TTBK2: variants seen among roughly 807,000 people sequenced by gnomAD.
TTBK2 encodes the protein tau-tubulin kinase 2.
A neutral mutation model predicts 110.8 loss-of-function variants in TTBK2; 28 were observed. The ratio of observed to expected loss-of-function variants is 0.25; its 90% CI spans 0.19 to 0.35. The LOEUF (loss-of-function observed/expected upper bound fraction) is 0.35. Among genes scored for constraint, TTBK2 ranks in the 10% least tolerant of loss-of-function variants. TTBK2 has a pLI of 1.00. For missense variants in TTBK2, 1,369 were observed against 1,500.3 expected (o/e 0.91, Z 1.45); for synonymous variants, 532 against 527.3 (o/e 1.01, Z -0.12).
chr15:42,748,041 T>TA (rs979243401), intron 14 of TTBK2, among the ~76,000 whole-genome samples: 3 of 152,156 alleles, frequency 2.0e-5, no homozygotes, highest in Admixed American at 1.3e-4. Context: ...ACACAATTAA[T>TA]AAAAAATGTT....
chr15:42,756,801 G>A (rs2061953255), intron 13 of TTBK2, among the ~76,000 whole-genome samples: 1 of 151,944 alleles, frequency 6.6e-6, no homozygotes. Context: ...AAGAGGCTGA[G>A]GCAGAAGATT....
At chr15:42,753,280 T>C in intron 13 of TTBK2, 33 bp from the exon 14 acceptor site, 17 of 1,586,990 alleles carry the variant, frequency 1.1e-5, no homozygotes, top group Non-Finnish European at 1.5e-5. Context: ...TAAAATGCAA[T>C]TATGTAAAAT....
intron 3 of TTBK2, among the ~76,000 whole-genome samples, chr15:42,856,871 G>A (rs1893965595): frequency 6.6e-6 from 1 of 152,120 alleles, no homozygotes; most frequent in Non-Finnish European, 1.5e-5. Flanking sequence ...GACCAGCCTG[G>A]CCAACATGGC....
chr15:42,917,366 A>T (rs1173683361), intron 1 of TTBK2, among the ~76,000 whole-genome samples: 2 of 152,150 alleles, frequency 1.3e-5, no homozygotes, highest in African/African-American at 4.8e-5. Flanking sequence ...AAAATAACCA[A>T]CTGAAAAGAA....
chr15:42,833,853 C>A (rs1289928757), intron 4 of TTBK2, among the ~76,000 whole-genome samples: 2 of 151,956 alleles, frequency 1.3e-5, no homozygotes, highest in South Asian at 4.2e-4. Context: ...ACTAAAAATA[C>A]AAAAATTAGC....
At chr15:42,783,864 C>A (rs943270497) in intron 10 of TTBK2, among the ~76,000 whole-genome samples, 3 of 151,780 alleles carry the variant, frequency 2.0e-5, no homozygotes, top group Non-Finnish European at 2.9e-5. Flanking sequence ...GAGTTCAAGA[C>A]CAGCCTGGCC....
intron 14 of TTBK2, 129 bp downstream of exon 14, chr15:42,751,845 C>T (rs2061869700): frequency 1.7e-6 from 2 of 1,166,340 alleles, no homozygotes; most frequent in African/African-American, 1.5e-5. Flanking sequence ...GGCTGTAAGG[C>T]CTGGGAAAGG....
chr15:42,801,641 C>T, intron 9 of TTBK2: 1 of 845,222 alleles, frequency 1.2e-6, no homozygotes, highest in Non-Finnish European at 2.1e-6. Flanking sequence ...AGGGATGATG[C>T]TGTCCATGTC....
intron 13 of TTBK2, among the ~76,000 whole-genome samples, chr15:42,754,689 A>G (rs2061919609): frequency 7.5e-6 from 1 of 133,996 alleles, no homozygotes; most frequent in African/African-American, 2.7e-5. Flanking sequence ...GAGCCACCGC[A>G]CCCAGCCCAC....
chr15:42,894,398 AAAG>A (rs1233319344), intron 1 of TTBK2, among the ~76,000 whole-genome samples: 1 of 152,180 alleles, frequency 6.6e-6, no homozygotes, highest in East Asian at 1.9e-4. Context: ...TCTCTCCAAA[AAAG>A]AAGAGGAAAA....
At chr15:42,829,882 T>A in intron 5 of TTBK2, 56 bp downstream of exon 5, 1 of 1,599,174 alleles carries the variant, frequency 6.3e-7, no homozygotes, top group Non-Finnish European at 8.6e-7. Context: ...TTGTGTCCCA[T>A]CATAACATTA....
intron 10 of TTBK2, among the ~76,000 whole-genome samples, 153 bp downstream of exon 10, chr15:42,794,491 G>A (rs1338614664): frequency 6.6e-6 from 1 of 152,142 alleles, no homozygotes; most frequent in Non-Finnish European, 1.5e-5. Flanking sequence ...TAATTCCAAA[G>A]GCGTACATAA....
chr15:42,881,913 T>C (rs1293641589), intron 1 of TTBK2, among the ~76,000 whole-genome samples: 2 of 151,814 alleles, frequency 1.3e-5, no homozygotes, highest in East Asian at 1.9e-4. Context: ...ATACAGTAAA[T>C]GAAATTTTAA....
chr15:42,895,671 G>A (rs1425203899), intron 1 of TTBK2, among the ~76,000 whole-genome samples: 2 of 151,772 alleles, frequency 1.3e-5, no homozygotes, highest in South Asian at 2.1e-4. Flanking sequence ...CCAAGTAGCT[G>A]GGATTACAGG....
chr15:42,816,584 G>A (rs1463156868), intron 7 of TTBK2, among the ~76,000 whole-genome samples: 1 of 151,964 alleles, frequency 6.6e-6, no homozygotes, highest in South Asian at 2.1e-4. Context: ...GAATTAGGAC[G>A]AACATTCCAA....
intron 1 of TTBK2, among the ~76,000 whole-genome samples, chr15:42,902,986 C>CAA (rs34312217): frequency 6.0e-4 from 43 of 71,332 alleles, no homozygotes; most frequent in African/African-American, 5.3e-4. Context: ...CTCTGTTTCT[C>CAA]AAAAAAAAAA....
intron 13 of TTBK2, among the ~76,000 whole-genome samples, chr15:42,766,682 TG>T (rs1889396703): frequency 6.6e-6 from 1 of 152,002 alleles, no homozygotes; most frequent in Non-Finnish European, 1.5e-5. Flanking sequence ...ACAATAATAA[TG>T]GGAGACTTTA....
chr15:42,851,521 T>C (rs1893711573), intron 3 of TTBK2, among the ~76,000 whole-genome samples: 1 of 152,080 alleles, frequency 6.6e-6, no homozygotes, highest in Non-Finnish European at 1.5e-5. Flanking sequence ...AAATAAATCT[T>C]AGTGACTGAA....
intron 1 of TTBK2, among the ~76,000 whole-genome samples, chr15:42,901,602 G>A (rs1328365714): frequency 5.5e-5 from 8 of 146,298 alleles, no homozygotes; most frequent in Non-Finnish European, 1.0e-4. Flanking sequence ...GCAAAATAGC[G>A]AGACCTCGTC....
Sources: allele counts gnomAD v4.1 joint callset (sites outside exome capture counted in the v4.1 genomes callset), GRCh38; gene constraint gnomAD v4.1.1; transcripts MANE v1.5; gene names NCBI Gene and HGNC (gene_info 2026-07-23, HGNC 2026-07-21).